Variants in MAVS observed in about 807,000 individuals in gnomAD.
MAVS encodes the protein mitochondrial antiviral-signaling protein.
Under a neutral mutation model 30.2 loss-of-function variants are expected in MAVS, and 20 were observed. The ratio of observed to expected loss-of-function variants is 0.66; its 90% CI spans 0.47 to 0.96. MAVS has a LOEUF of 0.96. Among genes scored for constraint, MAVS ranks in the 40% least tolerant of loss-of-function variants. MAVS has a pLI of 0.00. For synonymous variants in MAVS, 278 were observed against 293.9 expected (o/e 0.95, Z 0.55); for missense variants, 624 against 701.1 (o/e 0.89, Z 1.24).
intron 1 of MAVS, among the ~76,000 whole-genome samples, chr20:3,848,513 C>G (rs1298554221): frequency 1.3e-5 from 2 of 152,224 alleles, no homozygotes; most frequent in Non-Finnish European, 2.9e-5. Context: ...ACTTGCCCCA[C>G]GAGGAATGTA....
chr20:3,874,648 T>G lies in MAVS; in HGVS notation c.*8501T>G. 6.4e-6 allele frequency: 1 copy of G among 157,162 alleles called. No homozygotes were observed. 9.7% of individuals were successfully genotyped at this position (157,162 alleles called of 1,614,324 possible). On this transcript the variant is annotated 3_prime_UTR_variant, in exon 7 of 7. Coordinates refer to ENST00000428216, the MANE Select transcript of MAVS (RefSeq NM_020746.5). ...TCTGGAGTTGGAAGAGGGGGTGTGG[T>G]GGCTGGGGATTGGGAAGAAGCTGGC...
At chr20:3,853,699 C>T (rs1340517130) in intron 1 of MAVS, among the ~76,000 whole-genome samples, 1 of 151,994 alleles carries the variant, frequency 6.6e-6, no homozygotes, top group East Asian at 1.9e-4. Flanking sequence ...GATGCTGAGG[C>T]GGGAGGATTG....
intron 1 of MAVS, among the ~76,000 whole-genome samples, chr20:3,848,386 A>G (rs146593300): frequency 4.6e-5 from 7 of 152,168 alleles, no homozygotes; most frequent in Admixed American, 2.6e-4. Context: ...GGCGTGAGCC[A>G]CCGCGCCCGG....
Position 3,864,453 on chromosome 20 carries a change from A to T in MAVS, c.823A>T (p.Ser275Cys). 2 of 1,613,926 alleles carry T rather than the reference A, an allele frequency of 1.2e-6. No homozygotes were observed. The highest frequency in any genetic ancestry group is 2.7e-5 in the African/African-American group (2 of 74,992). ...TGCAGAGGGTAAACAGGGTGCAGAG[A>T]GTGACCAGGCCGAGCCTATCATCTG... is the stretch of plus-strand genomic sequence containing the variant. Reference protein sequence around the residue: ...GAAEGKQGAESDQAEPIICSS... With the variant: ...GAAEGKQGAECDQAEPIICSS... Residue 275 changes from serine (S) to cysteine (C), a missense_variant, in exon 6 of 7, where the codon AGT becomes TGT. Transcript: ENST00000428216.
chr20:3,871,548 G>A lies in MAVS; in HGVS notation c.*5401G>A, dbSNP rs1055504155. 1.3e-4 allele frequency: 20 copies of A among 152,424 alleles called. No individual in the cohort carries two copies. The allele number at this position is 152,424 out of a possible 1,614,324, so 9.4% of individuals were successfully genotyped here. A position where few individuals can be genotyped will look rare whatever the true frequency, so the allele number is the denominator to read the frequency against. ...GGGGCTTCCACTAGGCCCTGACAGA[G>A]CCCTTCCAGCAGGCAGAAATCCCTG... On this transcript the variant is annotated 3_prime_UTR_variant, in exon 7 of 7. Coordinates refer to ENST00000428216, the MANE Select transcript of MAVS (RefSeq NM_020746.5).
chr20:3,875,533 T>C lies in MAVS; in HGVS notation c.*9386T>C, dbSNP rs1255643024. ...TTTTACTGAAGTGTAATGTAAATGC[T>C]GTAAAAGGCAGTGAAAGGCACAAGG... is the stretch of plus-strand genomic sequence containing the variant. On this transcript the variant is annotated 3_prime_UTR_variant, in exon 7 of 7. Transcript: ENST00000428216. 3 of 149,794 alleles carry C rather than the reference T, an allele frequency of 2.0e-5. No individual in the cohort carries two copies. The highest frequency in any genetic ancestry group is 2.1e-4 in the South Asian group (1 of 4,764). 9.3% of individuals were successfully genotyped at this position (149,794 alleles called of 1,614,324 possible). A position where few individuals can be genotyped will look rare whatever the true frequency, so the allele number is the denominator to read the frequency against.
chr20:3,874,993 C>T lies in MAVS; in HGVS notation c.*8846C>T, dbSNP rs1244968943. The stretch of plus-strand genomic sequence containing the variant: ...ATTGCTTACTACACCCACAAACATT[C>T]TTCGTTCTTTAAGGCCTAACTTAAA... On this transcript the variant is annotated 3_prime_UTR_variant, in exon 7 of 7. Coordinates refer to ENST00000428216, the MANE Select transcript of MAVS (RefSeq NM_020746.5). The T allele has an allele frequency of 6.6e-6, 1 of 152,348 alleles. No individual in the cohort carries two copies. Among genetic ancestry groups the T allele is most frequent in the Non-Finnish European group, 1.5e-5 (1 of 68,042 alleles). The allele number at this position is 152,348 out of a possible 1,614,324, so 9.4% of individuals were successfully genotyped here.
Position 3,857,625 on chromosome 20 carries a change from T to A in MAVS, c.118-10T>A, listed in dbSNP as rs773525177. ...TGGCTTGAGCAGGACAGTGGCATTG[T>A]GTCTTCCAGGATCGACTGCGGGCCA... is the stretch of plus-strand genomic sequence containing the variant. On this transcript the variant is annotated splice_polypyrimidine_tract_variant and intron_variant, in intron 2 of 6. Transcript: ENST00000428216. The A allele has an allele frequency of 6.2e-7, 1 of 1,603,884 alleles. No homozygotes were observed. The highest frequency in any genetic ancestry group is 8.5e-7 in the Non-Finnish European group (1 of 1,173,896).
rs561645951 is a variant in MAVS, at chr20:3,872,696, G to C, written c.*6549G>C. 115 of 152,490 alleles carry C rather than the reference G, an allele frequency of 7.5e-4. No homozygotes were observed. The highest frequency in any genetic ancestry group is 2.7e-3 in the African/African-American group (111 of 41,578). The allele number at this position is 152,490 out of a possible 1,614,324, so 9.4% of individuals were successfully genotyped here. A position where few individuals can be genotyped will look rare whatever the true frequency, so the allele number is the denominator to read the frequency against. ...TTAGCAGACATTGTTTATTAAAGGA[G>C]TTACCTATGCCAGATCGAAGGCCTA... is the stretch of plus-strand genomic sequence containing the variant. On this transcript the variant is annotated 3_prime_UTR_variant, in exon 7 of 7. Transcript: ENST00000428216.
At chr20:3,858,475 G>T (rs1347632896) in intron 3 of MAVS, among the ~76,000 whole-genome samples, 1 of 151,860 alleles carries the variant, frequency 6.6e-6, no homozygotes, top group Non-Finnish European at 1.5e-5. Context: ...GTCAGGAGAT[G>T]GAGACCACCC....
chr20:3,856,982 G>A (rs565776523), intron 2 of MAVS, among the ~76,000 whole-genome samples: 1 of 150,258 alleles, frequency 6.7e-6, no homozygotes, highest in South Asian at 2.1e-4. Context: ...GTTGCAGTAA[G>A]CTGATATCAC....
At chr20:3,852,872 C>T (rs1219839134) in intron 1 of MAVS, among the ~76,000 whole-genome samples, 24 of 139,450 alleles carry the variant, frequency 1.7e-4, no homozygotes, top group Non-Finnish European at 9.1e-5. Context: ...CGGAGTCTCA[C>T]TCTGCCGCCC....
Position 3,864,379 on chromosome 20 carries a change from C to A in MAVS, c.749C>A (p.Thr250Asn). 1.9e-6 allele frequency: 3 copies of A among 1,614,156 alleles called. No individual in the cohort carries two copies. The highest frequency in any genetic ancestry group is 1.7e-6 in the Non-Finnish European group (2 of 1,180,034). Residue 250 changes from threonine (T) to asparagine (N), a missense_variant, in exon 6 of 7, where the codon ACT (threonine) becomes AAT (asparagine). Transcript: ENST00000428216. ...GGACCCACAGGGTCAGTTGTATCTA[C>A]TGGCACCTCCTTCTCCTCCTCATCC... is the stretch of plus-strand genomic sequence containing the variant. The part of the protein sequence containing the change: ...LPGPTGSVVS[T>N]GTSFSSSSPG...
intron 2 of MAVS, among the ~76,000 whole-genome samples, chr20:3,857,065 A>T (rs1022393817): frequency 0.016 from 2,356 of 150,378 alleles, 56 homozygotes; most frequent in African/African-American, 0.054. Flanking sequence ...AAACAAAAAA[A>T]CTCTGCAGCC....
At position 3,857,727 on chromosome 20, in the gene MAVS, G is replaced by A. The variant is rs768299754; in HGVS notation, c.210G>A (p.Glu70=). 2 of 1,614,130 alleles carry A rather than the reference G, an allele frequency of 1.2e-6. No homozygotes were observed. Among genetic ancestry groups the A allele is most frequent in the Non-Finnish European group, 1.7e-6 (2 of 1,180,050 alleles). The stretch of plus-strand genomic sequence containing the variant: ...TTCAGCGGCGGCCCGGCTGGGTGGA[G>A]TACTTCATTGCGGCACTGAGGGGCT... ...NTLQRRPGWV[E]YFIAALRGCE... Residue 70 remains glutamate (E), a synonymous_variant, in exon 3 of 7, where the codon GAG becomes GAA. Coordinates refer to ENST00000428216, the MANE Select transcript of MAVS (RefSeq NM_020746.5).
chr20:3,849,704 G>C (rs1255697524), intron 1 of MAVS, among the ~76,000 whole-genome samples: 1 of 152,180 alleles, frequency 6.6e-6, no homozygotes, highest in African/African-American at 2.4e-5. Context: ...CAAGTAGCAT[G>C]CCTGTCTCCA....
chr20:3,857,479 A>G (rs764506091), intron 2 of MAVS, among the ~76,000 whole-genome samples, 156 bp from the exon 3 acceptor site: 27 of 152,194 alleles, frequency 1.8e-4, no homozygotes, highest in Non-Finnish European at 3.2e-4. Context: ...TCCTCACTCC[A>G]TACCTGGCCC....
Position 3,866,167 on chromosome 20 carries a change from C to G in MAVS, c.*20C>G. 6.4e-7 allele frequency: 1 copy of G among 1,550,802 alleles called. No homozygotes were observed. The highest frequency in any genetic ancestry group is 1.4e-5 in the African/African-American group (1 of 73,606). On this transcript the variant is annotated 3_prime_UTR_variant, in exon 7 of 7. Coordinates refer to ENST00000428216, the MANE Select transcript of MAVS (RefSeq NM_020746.5). ...CACTAGTGAAGCCCTGGGCTCTTCC[C>G]ACCACCCATCTGTTCCGTTCCTGCA...
chr20:3,860,223 G>T (rs1272817798), intron 3 of MAVS, among the ~76,000 whole-genome samples: 2 of 148,048 alleles, frequency 1.4e-5, no homozygotes, highest in African/African-American at 4.9e-5. Flanking sequence ...ATCATGAGGA[G>T]AACCCCCAAT....
Sources: allele counts gnomAD v4.1 joint callset (sites outside exome capture counted in the v4.1 genomes callset), GRCh38; gene constraint gnomAD v4.1.1; transcripts MANE v1.5; gene names NCBI Gene and HGNC (gene_info 2026-07-23, HGNC 2026-07-21).